The following DDX3Y variants were observed in gnomAD, a reference collection of about 807,000 sequenced individuals.
The protein encoded by DDX3Y is ATP-dependent RNA helicase DDX3Y.
Under a neutral mutation model 15.1 loss-of-function variants are expected in DDX3Y, and 2 were observed. That is an observed-to-expected ratio of 0.13 (90% CI 0.05 to 0.42). The LOEUF (loss-of-function observed/expected upper bound fraction) is 0.42, where lower values mean the gene tolerates loss of function less well. Among genes scored for constraint, DDX3Y ranks in the 10% least tolerant of loss-of-function variants. The probability of loss-of-function intolerance (pLI) is 0.99; values close to 1 mark genes in which losing one functional copy is unlikely to be tolerated. For missense variants in DDX3Y, 81 were observed against 149.9 expected, an observed-to-expected ratio of 0.54 and a Z score of 2.40; for synonymous variants, 47 against 45.0, an observed-to-expected ratio of 1.04 and a Z score of -0.18.
intron 1 of DDX3Y, among the ~76,000 whole-genome samples, chrY:12,906,150 G>C (rs2053610917): frequency 9.0e-5 from 3 of 33,470 alleles, no homozygotes; most frequent in African/African-American, 2.4e-4. Context: ...CCGCGCTTTT[G>C]CATTTGGCAC....
At chrY:12,912,520 A>G in intron 4 of DDX3Y, 1 of 132,370 alleles carries the variant, frequency 7.6e-6, no homozygotes, top group Non-Finnish European at 1.4e-5. Context: ...AATTTTTATA[A>G]TTTTCTTAAA....
At chrY:12,911,785 A>T in intron 3 of DDX3Y, 54 bp from the exon 4 acceptor site, 1 of 367,103 alleles carries the variant, frequency 2.7e-6, no homozygotes, top group South Asian at 3.2e-5. Context: ...ATTTTGAAAG[A>T]TGCAAATTAT....
At position 12,916,423 on chromosome Y, in the gene DDX3Y, C is replaced by G; in HGVS notation, c.1472C>G (p.Pro491Arg). 2.5e-6 allele frequency: 1 copy of G among 395,514 alleles called. No individual in the cohort carries two copies. Among genetic ancestry groups the G allele is most frequent in the African/African-American group, 6.5e-5 (1 of 15,312 alleles). ...CACCAGTTTCGCTCAGGAAAAAGCC[C>G]AATTCTAGTGGCTACAGCTGTATGT... Reference protein sequence around the residue: ...ALHQFRSGKSPILVATAVAAR... With the variant: ...ALHQFRSGKSRILVATAVAAR... Residue 491 changes from proline to arginine, a missense_variant, in exon 13 of 17, where the codon CCA (proline) becomes CGA (arginine). Physicochemically the swap from Pro to Arg is moderately radical, Grantham distance 103. Around this residue, in one of 2 missense-constraint regions of DDX3Y, gnomAD observed 52 missense variants for 122.8 expected, o/e 0.42. Coordinates refer to ENST00000336079, the MANE Select transcript of DDX3Y (RefSeq NM_004660.5).
At chrY:12,914,434 T>C in intron 7 of DDX3Y, 130 bp from the exon 8 acceptor site, 1 of 160,780 alleles carries the variant, frequency 6.2e-6, no homozygotes, top group Non-Finnish European at 1.2e-5. Flanking sequence ...AGGTTTGCCA[T>C]ATAAATTTAC....
chrY:12,910,913 G>GTT (rs35222057), intron 3 of DDX3Y, among the ~76,000 whole-genome samples: 1 of 25,331 alleles, frequency 3.9e-5, no homozygotes, highest in Non-Finnish European at 9.4e-5. Context: ...AGTTGGAGCT[G>GTT]TTTTTTTTTT....
chrY:12,913,095 A>C, intron 6 of DDX3Y, 33 bp downstream of exon 6: 1 of 281,576 alleles, frequency 3.6e-6, no homozygotes, highest in Non-Finnish European at 5.5e-6. Context: ...AAAGTTATTA[A>C]TGCAAACCCA....
intron 16 of DDX3Y, 38 bp from the exon 17 acceptor site, chrY:12,918,005 G>T (rs761134559): frequency 6.3e-6 from 2 of 317,708 alleles, no homozygotes; most frequent in Non-Finnish European, 9.3e-6. Context: ...AGGTATTAAC[G>T]AATGACTTAA....
Position 12,918,144 on chromosome Y carries a change from C to T in DDX3Y, c.*22C>T. On this transcript the variant is annotated 3_prime_UTR_variant, in exon 17 of 17. Transcript: ENST00000336079. ...CTGAATCTGCTTTGCAGCAAAGTCA[C>T]CCTTACAAAGAAGCTAATATGGAAA... 1 of 359,784 alleles carries T rather than the reference C, an allele frequency of 2.8e-6. No individual in the cohort carries two copies. The highest frequency in any genetic ancestry group is 3.9e-6 in the Non-Finnish European group (1 of 255,969). 89.7% of individuals were successfully genotyped at this position (359,784 alleles called of 400,897 possible). A position where few individuals can be genotyped will look rare whatever the true frequency, so the allele number is the denominator to read the frequency against.
At chrY:12,907,703 A>T in intron 2 of DDX3Y, 109 bp downstream of exon 2, 2 of 119,820 alleles carry the variant, frequency 1.7e-5, no homozygotes, top group Non-Finnish European at 3.1e-5. Context: ...ACTTGACTAT[A>T]TGAAAATATG....
chrY:12,916,479 A>T (rs771861152), intron 13 of DDX3Y, 37 bp downstream of exon 13: 1 of 389,374 alleles, frequency 2.6e-6, no homozygotes, highest in Non-Finnish European at 3.6e-6. Context: ...TCATGTGTGG[A>T]TAGTGCTTTT....
rs778854972 is a variant in DDX3Y at position 12,917,044 on chromosome Y, C to T, written c.1747C>T (p.Arg583Cys). ...TGAACACCACTACAAGGGTGGCAGT[C>T]GTGGACGATCTAAAAGGTACACACT... ...AYEHHYKGGSRGRSKSNRFSG... is the reference protein window; with the variant it reads ...AYEHHYKGGSCGRSKSNRFSG... Residue 583 changes from arginine to cysteine, a missense_variant, in exon 15 of 17, where the codon CGT becomes TGT. This residue lies in a region of DDX3Y where 52 missense variants were observed against 122.8 expected (regional missense o/e 0.42). Coordinates refer to ENST00000336079, the MANE Select transcript of DDX3Y (RefSeq NM_004660.5). 2.5e-6 allele frequency: 1 copy of T among 397,539 alleles called. No homozygotes were observed. Among genetic ancestry groups the T allele is most frequent in the Non-Finnish European group, 3.5e-6 (1 of 282,698 alleles).
Position 12,919,772 on chromosome Y carries a change from T to C in DDX3Y, c.*1650T>C, listed in dbSNP as rs2053661020. On this transcript the variant is annotated 3_prime_UTR_variant, in exon 17 of 17. Coordinates refer to ENST00000336079, the MANE Select transcript of DDX3Y (RefSeq NM_004660.5). The stretch of plus-strand genomic sequence containing the variant: ...GATTCCTAAATTTTATTGGGGACCA[T>C]GGAATGGTAGTTGAGAAGAAAACTA... The C allele has an allele frequency of 5.9e-5, 2 of 33,759 alleles. No homozygotes were observed. The highest frequency in any genetic ancestry group is 1.2e-4 in the African/African-American group (1 of 8,628). The allele number at this position is 33,759 out of a possible 400,897, so 8.4% of individuals were successfully genotyped here.
intron 8 of DDX3Y, 59 bp downstream of exon 8, chrY:12,914,708 T>C (rs758168972): frequency 3.3e-6 from 1 of 300,990 alleles, no homozygotes; most frequent in Admixed American, 9.0e-5. Context: ...CAAAGCCCTG[T>C]TGACTTTTCT....
rs770693249 is a variant in DDX3Y at position 12,916,645 on chromosome Y, TGTTA to T, written c.1609+15_1609+18del. The stretch of plus-strand genomic sequence containing the variant: ...GTGTAGGAAACCTGGGTAAGGGGTT[TGTTA>T]GTTCATTTTTTTTTAATTGTGATGC... On this transcript the variant is annotated intron_variant, in intron 14 of 16. Transcript: ENST00000336079. The T allele has an allele frequency of 9.8e-5, 35 of 357,728 alleles. No homozygotes were observed. Among genetic ancestry groups the T allele is most frequent in the Non-Finnish European group, 2.8e-5 (7 of 249,244 alleles). 89.2% of individuals were successfully genotyped at this position (357,728 alleles called of 400,897 possible).
intron 3 of DDX3Y, among the ~76,000 whole-genome samples, chrY:12,911,404 T>C (rs1054556085): frequency 6.0e-5 from 2 of 33,602 alleles, no homozygotes; most frequent in Admixed American, 2.7e-4. Context: ...GGGACATAAC[T>C]AAGAAACTAA....
chrY:12,912,811 T>C lies in DDX3Y; in HGVS notation c.366T>C (p.His122=), dbSNP rs914189674. Residue 122 remains histidine, a synonymous_variant, in exon 5 of 17, where the codon CAT becomes CAC. Transcript: ENST00000336079. ...PGFGRFERSG[H]SRWCDKSVED... The stretch of plus-strand genomic sequence containing the variant: ...TTGGCAGATTTGAACGGAGTGGACA[T>C]AGTCGTTGGTGTGACAAGTCAGTTG... 2.5e-6 allele frequency: 1 copy of C among 398,823 alleles called. No individual in the cohort carries two copies. The highest frequency in any genetic ancestry group is 7.4e-5 in the Admixed American group (1 of 13,501).
intron 1 of DDX3Y, among the ~76,000 whole-genome samples, chrY:12,906,669 C>G: frequency 1.8e-4 from 6 of 33,042 alleles, no homozygotes; most frequent in African/African-American, 7.1e-4. Context: ...GACCAAGGTG[C>G]TCTTGGCATT....
At chrY:12,917,677 T>C in intron 16 of DDX3Y, 135 bp downstream of exon 16, 1 of 175,042 alleles carries the variant, frequency 5.7e-6, no homozygotes, top group Non-Finnish European at 9.3e-6. Context: ...CTCTCCTGCC[T>C]CAGCCTCCTA....
At chrY:12,905,077 C>A in intron 1 of DDX3Y, 96 bp downstream of exon 1, 1 of 255,811 alleles carries the variant, frequency 3.9e-6, no homozygotes, top group Non-Finnish European at 6.4e-6. Flanking sequence ...AGTTTCACTT[C>A]TGGTGGGTTC....
Sources: gnomAD v4.1 joint callset for allele counts (sites outside exome capture counted in the v4.1 genomes callset) on GRCh38, gnomAD v4.1.1 for gene constraint, gnomAD v4.1.1 regional missense constraint, MANE v1.5 for transcripts, NCBI Gene and HGNC (gene_info 2026-07-23, HGNC 2026-07-21) for gene names.